The following UNC5D variants were observed in gnomAD, a reference collection of about 807,000 sequenced individuals.
UNC5D encodes unc-5 netrin receptor D, also known as netrin receptor UNC5D.
Under a neutral mutation model 105.4 loss-of-function variants are expected in UNC5D, and 39 were observed. The ratio of observed to expected loss-of-function variants is 0.37; its 90% CI spans 0.29 to 0.48. UNC5D has a LOEUF of 0.48. Ranked by LOEUF, UNC5D falls within the 20% of genes least tolerant of loss-of-function variation. The probability of loss-of-function intolerance (pLI) is 0.98; values close to 1 mark genes in which losing one functional copy is unlikely to be tolerated. For synonymous variants in UNC5D, 452 were observed against 450.4 expected (o/e 1.00, Z -0.04); for missense variants, 991 against 1,202.4 (o/e 0.82, Z 2.60).
chr8:35,322,386 A>G (rs1296641463), intron 1 of UNC5D, among the ~76,000 whole-genome samples: 1 of 150,068 alleles, frequency 6.7e-6, no homozygotes, highest in Non-Finnish European at 1.5e-5. Context: ...TTACTAGAGT[A>G]TCTCCTAAGT....
At chr8:35,636,761 C>A (rs1181577179) in intron 4 of UNC5D, among the ~76,000 whole-genome samples, 1 of 152,170 alleles carries the variant, frequency 6.6e-6, no homozygotes, top group African/African-American at 2.4e-5. Context: ...GTTGTATATC[C>A]TGCCCATCCA....
intron 1 of UNC5D, among the ~76,000 whole-genome samples, chr8:35,304,538 G>T (rs1301390834): frequency 1.3e-5 from 2 of 151,934 alleles, no homozygotes; most frequent in Non-Finnish European, 2.9e-5. Flanking sequence ...AATGAAAATT[G>T]TTCAGGCGTG....
intron 1 of UNC5D, among the ~76,000 whole-genome samples, chr8:35,395,869 C>G (rs1011023499): frequency 2.6e-5 from 4 of 152,102 alleles, no homozygotes; most frequent in African/African-American, 7.2e-5. Context: ...GATTCAAACT[C>G]GATTCTTCAG....
intron 1 of UNC5D, among the ~76,000 whole-genome samples, chr8:35,361,692 A>G (rs1365222670): frequency 1.3e-5 from 2 of 152,162 alleles, no homozygotes; most frequent in African/African-American, 4.8e-5. Context: ...TCACTTATGC[A>G]GCTTCTCTTT....
At chr8:35,370,399 TTAAC>T (rs1802363830) in intron 1 of UNC5D, among the ~76,000 whole-genome samples, 1 of 152,216 alleles carries the variant, frequency 6.6e-6, no homozygotes, top group African/African-American at 2.4e-5. Flanking sequence ...AATATAACAT[TTAAC>T]TAAGTGTTCT....
At chr8:35,427,790 A>G (rs1806350262) in intron 1 of UNC5D, among the ~76,000 whole-genome samples, 1 of 152,166 alleles carries the variant, frequency 6.6e-6, no homozygotes, top group Non-Finnish European at 1.5e-5. Flanking sequence ...TCAATGTGAA[A>G]TCAGTATGAT....
At chr8:35,678,285 G>C (rs12546354) in intron 4 of UNC5D, among the ~76,000 whole-genome samples, 6,130 of 152,184 alleles carry the variant, frequency 0.04, 249 homozygotes, top group Admixed American at 0.11. Context: ...ATCTGCAGTT[G>C]AGATACCTCA....
At chr8:35,250,620 G>A (rs1803629136) in intron 1 of UNC5D, among the ~76,000 whole-genome samples, 2 of 152,088 alleles carry the variant, frequency 1.3e-5, no homozygotes, top group South Asian at 2.1e-4. Flanking sequence ...TCAGCCTCCC[G>A]AGTAGCTGGG....
intron 8 of UNC5D, among the ~76,000 whole-genome samples, chr8:35,717,314 A>G (rs915196552): frequency 1.3e-5 from 2 of 152,208 alleles, no homozygotes; most frequent in African/African-American, 4.8e-5. Flanking sequence ...ATGAGCATTG[A>G]GTTAAATTTC....
At chr8:35,431,883 A>T (rs75499811) in intron 1 of UNC5D, among the ~76,000 whole-genome samples, 7,448 of 152,260 alleles carry the variant, frequency 0.049, 256 homozygotes, top group Non-Finnish European at 0.073. Context: ...ATAATAAATT[A>T]TTCTTGAAAT....
chr8:35,643,415 C>T lies in UNC5D; in HGVS notation c.571-40132C>T, dbSNP rs533919685. On this transcript the variant is annotated intron_variant, in intron 4 of 16. Coordinates refer to ENST00000404895, the MANE Select transcript of UNC5D (RefSeq NM_080872.4). Reference sequence around the variant, plus strand: ...TACTGCAACCTCTGCCTCCTGGGTTCAAGCATTTCCCCTGTCTCAGCCTCC... The same window carrying T: ...TACTGCAACCTCTGCCTCCTGGGTTTAAGCATTTCCCCTGTCTCAGCCTCC... Among the ~76,000 whole-genome samples, 181 of 152,284 alleles carry T rather than the reference C, an allele frequency of 1.2e-3. 3 individuals are homozygous for T. The highest frequency in any genetic ancestry group is 6.8e-3 in the Middle Eastern group (2 of 294).
intron 1 of UNC5D, among the ~76,000 whole-genome samples, chr8:35,302,768 T>C (rs1216355854): frequency 6.6e-6 from 1 of 152,200 alleles, no homozygotes; most frequent in African/African-American, 2.4e-5. Context: ...GTATTAAATA[T>C]TGCACAAGAT....
intron 1 of UNC5D, among the ~76,000 whole-genome samples, chr8:35,297,609 G>C (rs1807589905): frequency 6.6e-6 from 1 of 152,144 alleles, no homozygotes; most frequent in South Asian, 2.1e-4. Flanking sequence ...CACAGGCCCA[G>C]CCTTTTCTTT....
At chr8:35,354,800 T>G (rs940318484) in intron 1 of UNC5D, among the ~76,000 whole-genome samples, 8 of 152,154 alleles carry the variant, frequency 5.3e-5, no homozygotes, top group Admixed American at 2.0e-4. Flanking sequence ...CTGGATGGTT[T>G]GTTTTCCATC....
At chr8:35,365,238 G>C (rs975946766) in intron 1 of UNC5D, among the ~76,000 whole-genome samples, 15 of 151,852 alleles carry the variant, frequency 9.9e-5, no homozygotes, top group Non-Finnish European at 1.9e-4. Context: ...TTAGTGTCTG[G>C]TATATCCCTC....
At chr8:35,383,929 A>G (rs1243261715) in intron 1 of UNC5D, among the ~76,000 whole-genome samples, 1 of 151,980 alleles carries the variant, frequency 6.6e-6, no homozygotes, top group Non-Finnish European at 1.5e-5. Flanking sequence ...AAAAATAAAA[A>G]TAAGAGGCTG....
chr8:35,600,037 G>C (rs576782735), intron 4 of UNC5D, among the ~76,000 whole-genome samples: 1 of 152,160 alleles, frequency 6.6e-6, no homozygotes, highest in South Asian at 2.1e-4. Context: ...CCACCTATGA[G>C]TGAGAACATG....
intron 1 of UNC5D, among the ~76,000 whole-genome samples, chr8:35,404,813 C>T (rs1187981516): frequency 2.0e-5 from 3 of 152,110 alleles, no homozygotes; most frequent in African/African-American, 7.2e-5. Flanking sequence ...TGGTCTTGAA[C>T]TCCTGATCTC....
intron 1 of UNC5D, among the ~76,000 whole-genome samples, chr8:35,489,208 A>G (rs914483394): frequency 6.6e-6 from 1 of 151,924 alleles, no homozygotes; most frequent in Non-Finnish European, 1.5e-5. Context: ...GGGTTTCACT[A>G]TTTTAGCCAG....
Sources: allele counts gnomAD v4.1 joint callset (sites outside exome capture counted in the v4.1 genomes callset), GRCh38; gene constraint gnomAD v4.1.1; transcripts MANE v1.5; gene names NCBI Gene and HGNC (gene_info 2026-07-23, HGNC 2026-07-21).